ZC2HC1A: variants seen among roughly 807,000 people sequenced by gnomAD.
The protein encoded by ZC2HC1A is zinc finger C2HC-type containing 1A, also known as zinc finger C2HC domain-containing protein 1A.
ZC2HC1A carries 28 observed loss-of-function variants against 40.7 expected under a neutral mutation model. The ratio of observed to expected loss-of-function variants is 0.69; its 90% CI spans 0.51 to 0.94. The LOEUF (loss-of-function observed/expected upper bound fraction) is 0.94. ZC2HC1A is among the 40% of genes least tolerant of loss of function. The pLI, the probability that ZC2HC1A is intolerant of heterozygous loss-of-function variation, is 0.00. For missense variants in ZC2HC1A, 389 were observed against 386.3 expected, an observed-to-expected ratio of 1.01 and a Z score of -0.06; for synonymous variants, 129 against 129.2, an observed-to-expected ratio of 1.00 and a Z score of 0.01.
In ZC2HC1A at chr8:78,709,662, G is replaced by A. The variant is rs1296580545; in HGVS notation, c.705-5559G>A. Reference sequence around the variant, plus strand: ...TTGGCTTCCCTGGGCCACACTGAAAGAAGAATTGTCTTGGACCACATATAA... The same window carrying A: ...TTGGCTTCCCTGGGCCACACTGAAAAAAGAATTGTCTTGGACCACATATAA... On this transcript the variant is annotated intron_variant, in intron 7 of 8. Coordinates refer to ENST00000263849, the MANE Select transcript of ZC2HC1A (RefSeq NM_016010.3). Among the ~76,000 whole-genome samples, 5 of 150,570 alleles carry A rather than the reference G, an allele frequency of 3.3e-5. No homozygotes were observed. The East Asian group carries it at 9.7e-4, about 29-fold the overall frequency.
chr8:78,717,637 C>G lies in ZC2HC1A; in HGVS notation c.*144C>G, dbSNP rs1165182028. On this transcript the variant is annotated 3_prime_UTR_variant, in exon 9 of 9. Coordinates refer to ENST00000263849, the MANE Select transcript of ZC2HC1A (RefSeq NM_016010.3). Reference sequence around the variant, plus strand: ...TTAATTTTGAAGTGTAATCTTTTGGCTATATAATGTGTGTATGTTTATATG... The same window carrying G: ...TTAATTTTGAAGTGTAATCTTTTGGGTATATAATGTGTGTATGTTTATATG... 2.3e-6 allele frequency: 2 copies of G among 879,318 alleles called. No homozygotes were observed. Among genetic ancestry groups the G allele is most frequent in the Non-Finnish European group, 3.3e-6 (2 of 598,938 alleles). 54.5% of individuals were successfully genotyped at this position (879,318 alleles called of 1,614,324 possible). A position where few individuals can be genotyped will look rare whatever the true frequency, so the allele number is the denominator to read the frequency against.
Position 78,669,100 on chromosome 8 carries a change from G to A in ZC2HC1A, c.16+2936G>A, listed in dbSNP as rs989413428. On this transcript the variant is annotated intron_variant, in intron 1 of 8. Coordinates refer to ENST00000263849, the MANE Select transcript of ZC2HC1A (RefSeq NM_016010.3). ...AATTTCTGTTTTGTTTTATTTTTTC[G>A]TAGTATAAATGTATACTAGTTTACT... 2.0e-5 allele frequency among the ~76,000 whole-genome samples: 3 copies of A among 151,842 alleles called. No homozygotes were observed. The East Asian group carries it at 5.8e-4, about 29-fold the overall frequency.
chr8:78,698,542 T>C (rs760410205), intron 7 of ZC2HC1A, 29 bp downstream of exon 7: 3 of 1,454,282 alleles, frequency 2.1e-6, no homozygotes. Flanking sequence ...TAATTATTAG[T>C]GGTATATAAT....
At chr8:78,669,970 T>TTA (rs1809396613) in intron 1 of ZC2HC1A, among the ~76,000 whole-genome samples, 1 of 135,864 alleles carries the variant, frequency 7.4e-6, no homozygotes, top group Non-Finnish European at 1.5e-5. Flanking sequence ...TTTCTTTCTT[T>TTA]CTTTTTTTTT....
At chr8:78,682,403 G>A (rs1367175215) in intron 3 of ZC2HC1A, among the ~76,000 whole-genome samples, 3 of 152,140 alleles carry the variant, frequency 2.0e-5, no homozygotes, top group African/African-American at 7.2e-5. Flanking sequence ...GGCCGAGGAG[G>A]CCTCACATCA....
Position 78,687,766 on chromosome 8 carries a change from GACATTATATATATATTTACGTAAT to G in ZC2HC1A, c.352+1172_352+1195del, listed in dbSNP as rs1810058391. Among the ~76,000 whole-genome samples the G allele has an allele frequency of 1.5e-4, 4 of 26,622 alleles. 2 individuals carry two copies. The South Asian group carries it at 4.5e-3, about 30-fold the overall frequency. 17.5% of individuals were successfully genotyped at this position (26,622 alleles called of 152,430 possible). On this transcript the variant is annotated intron_variant, in intron 4 of 8. Transcript: ENST00000263849. ...TAATACATTATATATATTTACGTAA[GACATTATATATATATTTACGTAAT>G]ACATTATATATATTCATGTAATAAA...
chr8:78,667,894 G>C (rs1254976463), intron 1 of ZC2HC1A, among the ~76,000 whole-genome samples: 1 of 151,908 alleles, frequency 6.6e-6, no homozygotes, highest in Non-Finnish European at 1.5e-5. Flanking sequence ...ATATTTTATG[G>C]GTCCAGCTTA....
At chr8:78,717,185 A>G (rs1811133072) in intron 8 of ZC2HC1A, 143 bp from the exon 9 acceptor site, 2 of 694,322 alleles carry the variant, frequency 2.9e-6, no homozygotes, top group Non-Finnish European at 4.4e-6. Flanking sequence ...ACTAACAAGG[A>G]TTTTTTAAAA....
At chr8:78,673,176 T>G (rs750049744) in intron 1 of ZC2HC1A, among the ~76,000 whole-genome samples, 3 of 152,196 alleles carry the variant, frequency 2.0e-5, no homozygotes, top group Non-Finnish European at 4.4e-5. Flanking sequence ...TTTGATTTTC[T>G]GTTCCTGTGT....
intron 7 of ZC2HC1A, among the ~76,000 whole-genome samples, chr8:78,708,646 T>C (rs1810856726): frequency 6.6e-6 from 1 of 151,928 alleles, no homozygotes; most frequent in Non-Finnish European, 1.5e-5. Context: ...GTAGAAAGTT[T>C]TTCCCTTCTT....
intron 7 of ZC2HC1A, among the ~76,000 whole-genome samples, chr8:78,711,433 T>C (rs1361555357): frequency 2.0e-5 from 3 of 152,074 alleles, no homozygotes; most frequent in Non-Finnish European, 2.9e-5. Context: ...TTGTCATCCA[T>C]GTTTTTTTTT....
Position 78,712,292 on chromosome 8 carries a change from A to T in ZC2HC1A, c.705-2929A>T, listed in dbSNP as rs1249547554. On this transcript the variant is annotated intron_variant, in intron 7 of 8. Transcript: ENST00000263849. ...GATTTTTAGTAAGCATTTCTGTTGT[A>T]CTAAATAAAACTTTTTAGGTTATAC... is the stretch of plus-strand genomic sequence containing the variant. Among the ~76,000 whole-genome samples the T allele has an allele frequency of 3.9e-5, 6 of 152,298 alleles. No homozygotes were observed. In the East Asian group the frequency reaches 9.6e-4, roughly 24 times the overall value.
At chr8:78,712,390 T>C (rs148921938) in intron 7 of ZC2HC1A, among the ~76,000 whole-genome samples, 3,259 of 152,046 alleles carry the variant, frequency 0.021, 121 homozygotes, top group African/African-American at 0.068. Context: ...TTTTATGAAG[T>C]TTTTTTTAGT....
Position 78,689,285 on chromosome 8 carries a change from A to G in ZC2HC1A, c.416A>G (p.Asn139Ser). The G allele has an allele frequency of 6.2e-7, 1 of 1,602,396 alleles. No individual in the cohort carries two copies. Among genetic ancestry groups the G allele is most frequent in the Non-Finnish European group, 8.5e-7 (1 of 1,174,236 alleles). ...FNENAADRHI[N>S]FCKEQAARIS... ...GAAAATGCAGCTGATAGACATATAA[A>G]TTTCTGTAAAGAACAGGCAGCACGT... The change falls in exon 5 of 9, where the codon AAT (asparagine) becomes AGT (serine). Residue 139 changes from asparagine to serine, a missense_variant. By Grantham distance (46) the Asn-to-Ser change is conservative. Transcript: ENST00000263849.
chr8:78,687,949 A>G (rs904273088), intron 4 of ZC2HC1A, among the ~76,000 whole-genome samples: 1 of 143,758 alleles, frequency 7.0e-6, no homozygotes, highest in African/African-American at 2.5e-5. Context: ...TTATATATAA[A>G]CTATATCTAT....
chr8:78,711,390 G>A (rs1810945614), intron 7 of ZC2HC1A, among the ~76,000 whole-genome samples: 1 of 151,684 alleles, frequency 6.6e-6, no homozygotes, highest in South Asian at 2.1e-4. Context: ...GTATATATAG[G>A]CCCCTTACCA....
chr8:78,693,359 G>A (rs1810281372), intron 5 of ZC2HC1A, among the ~76,000 whole-genome samples: 1 of 151,998 alleles, frequency 6.6e-6, no homozygotes, highest in Non-Finnish European at 1.5e-5. Flanking sequence ...CAGTGTAAAA[G>A]TGTTCCTATT....
At chr8:78,676,829 C>G (rs948271220) in intron 2 of ZC2HC1A, among the ~76,000 whole-genome samples, 8 of 151,694 alleles carry the variant, frequency 5.3e-5, no homozygotes, top group African/African-American at 1.9e-4. Flanking sequence ...AAAAAAGTGC[C>G]TTTTTTGGCT....
At chr8:78,699,855 T>C (rs1810544894) in intron 7 of ZC2HC1A, among the ~76,000 whole-genome samples, 3 of 152,192 alleles carry the variant, frequency 2.0e-5, no homozygotes, top group African/African-American at 7.2e-5. Flanking sequence ...ATATTTTCTT[T>C]ATCCAGTATA....
Sources: gnomAD v4.1 joint callset for allele counts (sites outside exome capture counted in the v4.1 genomes callset) on GRCh38, gnomAD v4.1.1 for gene constraint, MANE v1.5 for transcripts, NCBI Gene and HGNC (gene_info 2026-07-23, HGNC 2026-07-21) for gene names.